The following NCOR2 variants were observed in gnomAD, a reference collection of about 807,000 sequenced individuals.
NCOR2 encodes CTG repeat protein 26.
NCOR2 carries 81 observed loss-of-function variants against 262.9 expected under a neutral mutation model. The ratio of observed to expected loss-of-function variants is 0.31; its 90% confidence interval spans 0.26 to 0.37. The LOEUF (loss-of-function observed/expected upper bound fraction) is 0.37. Among genes scored for constraint, NCOR2 ranks in the 10% least tolerant of loss-of-function variants. The pLI is 1.00. For missense variants in NCOR2, 3,385 were observed against 3,621.4 expected (o/e 0.93, Z 1.68); for synonymous variants, 1,659 against 1,559.3 (o/e 1.06, Z -1.51).
exon 34 of NCOR2, chr12:124,342,049 G>C: frequency 1.2e-6 from 2 of 1,611,610 alleles, no homozygotes; most frequent in South Asian, 1.1e-5. Flanking sequence ...TGGGGGCCAG[G>C]TGTCGGGGCA....
In NCOR2 at chr12:124,439,921, C is replaced by T. The variant is rs962798858; in HGVS notation, c.816-1925G>A. 3.9e-5 allele frequency among the ~76,000 whole-genome samples: 6 copies of T among 152,122 alleles called. No homozygotes were observed. The East Asian group carries it at 5.8e-4, about 15-fold the overall frequency. On this transcript the variant is annotated intron_variant, in intron 7 of 46. Transcript: ENST00000405201. Reference sequence around the variant, plus strand: ...GGGAGGGAGCCCTGGAGAGTAGAGGCGGGAGGTTCTGGAGCCCACGCCATG... The same window carrying T: ...GGGAGGGAGCCCTGGAGAGTAGAGGTGGGAGGTTCTGGAGCCCACGCCATG...
At chr12:124,556,977 G>A (rs568415635) in intron 1 of NCOR2, among the ~76,000 whole-genome samples, 1 of 152,392 alleles carries the variant, frequency 6.6e-6, no homozygotes, top group African/African-American at 2.4e-5. Context: ...TGCATTTCAG[G>A]AGAAACAGCG....
intron 3 of NCOR2, 56 bp from the exon 6 acceptor site, chr12:124,473,187 T>C (rs2046915610): frequency 1.3e-6 from 2 of 1,592,450 alleles, no homozygotes; most frequent in South Asian, 1.1e-5. Flanking sequence ...CCCCAGTCTG[T>C]ACAACCCTGT....
At chr12:124,462,526 G>A (rs185036749) in intron 5 of NCOR2, among the ~76,000 whole-genome samples, 63 of 152,368 alleles carry the variant, frequency 4.1e-4, no homozygotes, top group African/African-American at 1.3e-3. Context: ...GTCAGAGGAC[G>A]CGTGCAGCAG....
At chr12:124,564,169 G>A (rs573056821) in intron 1 of NCOR2, among the ~76,000 whole-genome samples, 61 of 152,288 alleles carry the variant, frequency 4.0e-4, no homozygotes, top group African/African-American at 1.4e-3. Flanking sequence ...AGAGTTCGCC[G>A]GATGGGTTGT....
At chr12:124,333,659 A>C (rs867310757) in intron 41 of NCOR2, among the ~76,000 whole-genome samples, 133 of 148,184 alleles carry the variant, frequency 9.0e-4, no homozygotes, top group South Asian at 1.7e-3. Flanking sequence ...CACACACATT[A>C]CCCCCCCCGC....
At chr12:124,536,100 G>A (rs1021310771), upstream of NCOR2, among the ~76,000 whole-genome samples, 3 of 152,062 alleles carry the variant, frequency 2.0e-5, no homozygotes, top group Non-Finnish European at 4.4e-5. Flanking sequence ...TTTTGTTTTT[G>A]TTTTTGTTTT....
intron 8 of NCOR2, among the ~76,000 whole-genome samples, chr12:124,434,782 G>T (rs1397256587): frequency 2.6e-5 from 4 of 152,120 alleles, no homozygotes; most frequent in African/African-American, 4.8e-5. Flanking sequence ...AGGGGTGAAG[G>T]TCGGCACCTC....
rs146254194 is a variant in NCOR2, at chr12:124,385,953, T to C, written c.1877-66A>G. The C allele has an allele frequency of 1.5e-4, 236 of 1,555,220 alleles. 1 individual carries two copies. In the African/African-American group the frequency reaches 2.8e-3, roughly 19 times the overall value. On this transcript the variant is annotated intron_variant, in intron 16 of 46. Coordinates refer to ENST00000405201, the Ensembl canonical transcript of NCOR2. Reference sequence around the variant, plus strand: ...GGCACGCAGAGGGGGCCTGCATCCATGGCCTGGGCGGCAAACGGGCCTGGA... The same window carrying C: ...GGCACGCAGAGGGGGCCTGCATCCACGGCCTGGGCGGCAAACGGGCCTGGA...
intron 13 of NCOR2, among the ~76,000 whole-genome samples, chr12:124,414,396 G>A (rs1247244118): frequency 2.0e-5 from 3 of 152,166 alleles, no homozygotes; most frequent in African/African-American, 4.8e-5. Context: ...CACTGTCGCC[G>A]TCATCATCAC....
chr12:124,360,478 C>T (rs566391559), intron 22 of NCOR2, among the ~76,000 whole-genome samples: 10 of 152,358 alleles, frequency 6.6e-5, no homozygotes, highest in Admixed American at 2.0e-4. Context: ...GACTCAACAA[C>T]GGCCAGACAG....
intron 8 of NCOR2, among the ~76,000 whole-genome samples, chr12:124,431,469 C>G (rs1436604718): frequency 5.4e-5 from 8 of 148,552 alleles, no homozygotes; most frequent in Non-Finnish European, 7.4e-5. Context: ...GGCAGATACA[C>G]AGAGAGACAC....
chr12:124,338,500 T>G lies in NCOR2; in HGVS notation c.5688-1320A>C, dbSNP rs1593114224. Among the ~76,000 whole-genome samples the G allele has an allele frequency of 2.9e-5, 3 of 101,816 alleles. No homozygotes were observed. The Middle Eastern group carries it at 0.017, about 592-fold the overall frequency. 66.8% of individuals were successfully genotyped at this position (101,816 alleles called of 152,430 possible). A position where few individuals can be genotyped will look rare whatever the true frequency, so the allele number is the denominator to read the frequency against. On this transcript the variant is annotated intron_variant, in intron 37 of 46. Coordinates refer to ENST00000405201, the Ensembl canonical transcript of NCOR2. The stretch of plus-strand genomic sequence containing the variant: ...TCCAGCCTGGGCGACAGAGTACAAC[T>G]CCATCAAAAAAAAAAAAAAAAAAAG...
chr12:124,363,825 T>G, intron 20 of NCOR2, 26 bp from the exon 23 acceptor site: 1 of 1,317,728 alleles, frequency 7.6e-7, no homozygotes. Flanking sequence ...CACCATCAGC[T>G]GGGGGCCCAC....
chr12:124,404,041 G>T (rs2042130327), intron 13 of NCOR2, among the ~76,000 whole-genome samples: 1 of 152,218 alleles, frequency 6.6e-6, no homozygotes, highest in African/African-American at 2.4e-5. Context: ...GGATCAACCT[G>T]TTCTCCCTCT....
At chr12:124,416,538 CGCG>C (rs2042867958) in intron 13 of NCOR2, among the ~76,000 whole-genome samples, 1 of 151,060 alleles carries the variant, frequency 6.6e-6, no homozygotes, top group African/African-American at 2.4e-5. Flanking sequence ...AGGGAGACCC[CGCG>C]GCACAGGGAG....
chr12:124,334,541 AAGG>A, exon 41 of NCOR2: 9 of 1,420,136 alleles, frequency 6.3e-6, no homozygotes, highest in Non-Finnish European at 8.3e-6. Context: ...GGCCCCAGGG[AAGG>A]AGTAGAGGGG....
At chr12:124,487,187 G>T (rs1040178641) in intron 1 of NCOR2, among the ~76,000 whole-genome samples, 11 of 152,226 alleles carry the variant, frequency 7.2e-5, no homozygotes, top group African/African-American at 2.7e-4. Context: ...GGCAGGGTGG[G>T]TAAGTGATGC....
At chr12:124,553,486 C>T (rs1594063910) in intron 1 of NCOR2, among the ~76,000 whole-genome samples, 1 of 152,328 alleles carries the variant, frequency 6.6e-6, no homozygotes, top group South Asian at 2.1e-4. Context: ...TCCCAACAGG[C>T]GATTCCCCAG....
Sources: gnomAD v4.1 joint callset for allele counts (sites outside exome capture counted in the v4.1 genomes callset) on GRCh38, gnomAD v4.1.1 for gene constraint, MANE v1.5 for transcripts, NCBI Gene and HGNC (gene_info 2026-07-23, HGNC 2026-07-21) for gene names.